Variants in VTI1A observed in about 807,000 individuals in gnomAD.
VTI1A encodes the protein vesicle transport through interaction with t-SNAREs 1A.
A neutral mutation model predicts 34.9 loss-of-function variants in VTI1A; 22 were observed. That is an observed-to-expected ratio of 0.63 (90% CI 0.45 to 0.90). The LOEUF is 0.90. Among genes scored for constraint, VTI1A ranks in the 40% least tolerant of loss-of-function variants. The pLI is 0.00. For synonymous variants in VTI1A, 87 were observed against 97.3 expected, an observed-to-expected ratio of 0.89 and a Z score of 0.62; for missense variants, 268 against 275.6, an observed-to-expected ratio of 0.97 and a Z score of 0.20.
the VTI1A span, among the ~76,000 whole-genome samples, chr10:112,833,596 A>G: frequency 5.9e-5 from 9 of 151,630 alleles, no homozygotes; most frequent in East Asian, 1.4e-3. Flanking sequence ...GTGAATCTTA[A>G]CTCCTCCATG....
At chr10:112,811,684 A>AT (rs1853314464) in intron 7 of VTI1A, among the ~76,000 whole-genome samples, 2 of 37,504 alleles carry the variant, frequency 5.3e-5, no homozygotes, top group African/African-American at 3.5e-4. Context: ...ACTCCGTCTC[A>AT]AAAAAAAAAA....
chr10:112,534,340 G>C (rs1850548179), intron 4 of VTI1A, among the ~76,000 whole-genome samples: 1 of 152,074 alleles, frequency 6.6e-6, no homozygotes, highest in Non-Finnish European at 1.5e-5. Context: ...TTTAGAGATA[G>C]TCATATTTTT....
intron 7 of VTI1A, among the ~76,000 whole-genome samples, chr10:112,726,257 A>T (rs1365644661): frequency 6.6e-6 from 1 of 152,116 alleles, no homozygotes; most frequent in Non-Finnish European, 1.5e-5. Context: ...TCTCCTTCTA[A>T]ATCAGATACC....
intron 7 of VTI1A, among the ~76,000 whole-genome samples, chr10:112,728,306 G>A (rs34050148): frequency 0.16 from 23,864 of 152,210 alleles, 2,205 homozygotes; most frequent in Middle Eastern, 0.23. Flanking sequence ...CTGGGTATGT[G>A]TTGCAAGAGT....
rs1222970688 is a variant in VTI1A, at chr10:112,607,710, TCATGAGGTTATAATTAACTGTAGG to T, written c.428-60506_428-60483del. Among the ~76,000 whole-genome samples the T allele has an allele frequency of 2.0e-4, 31 of 152,330 alleles. 1 individual carries two copies. The highest frequency in any genetic ancestry group is 1.8e-3 in the Admixed American group (28 of 15,306). ...ATGGTTCTGACTCGGTCTCTCGGACTCATGAGGTTATAATTAACTGTAGGCTGGGGCTGTAGTCATCAGCACACT... is the reference window on the plus strand; with the variant it reads ...ATGGTTCTGACTCGGTCTCTCGGACTCTGGGGCTGTAGTCATCAGCACACT... On this transcript the variant is annotated intron_variant, in intron 5 of 7. Transcript: ENST00000393077.
At chr10:112,805,038 T>TA (rs1301166181) in intron 7 of VTI1A, among the ~76,000 whole-genome samples, 1 of 151,378 alleles carries the variant, frequency 6.6e-6, no homozygotes. Flanking sequence ...TTTTTTTTTT[T>TA]ACTTTTTGTA....
intron 5 of VTI1A, among the ~76,000 whole-genome samples, chr10:112,566,539 C>T (rs547978782): frequency 5.5e-4 from 84 of 152,088 alleles, no homozygotes; most frequent in African/African-American, 1.3e-3. Context: ...TATTTCTTTG[C>T]GAAAATACTC....
intron 7 of VTI1A, among the ~76,000 whole-genome samples, chr10:112,750,065 G>T (rs1851047341): frequency 6.6e-6 from 1 of 152,218 alleles, no homozygotes; most frequent in African/African-American, 2.4e-5. Flanking sequence ...TGGAGGTAGA[G>T]ATGAATGAGG....
intron 3 of VTI1A, among the ~76,000 whole-genome samples, chr10:112,488,982 A>C (rs1046968071): frequency 6.6e-6 from 1 of 152,180 alleles, no homozygotes; most frequent in Non-Finnish European, 1.5e-5. Flanking sequence ...CTTAGCTCGC[A>C]GTTTCCTCAT....
intron 7 of VTI1A, among the ~76,000 whole-genome samples, chr10:112,719,260 TCTC>T (rs1179670758): frequency 6.6e-6 from 1 of 152,192 alleles, no homozygotes; most frequent in East Asian, 1.9e-4. Flanking sequence ...TTAAATTTCA[TCTC>T]CTCCTTGAAA....
chr10:112,716,735 T>A (rs1590108188), intron 7 of VTI1A, among the ~76,000 whole-genome samples: 1 of 152,192 alleles, frequency 6.6e-6, no homozygotes, highest in East Asian at 1.9e-4. Context: ...GGATTTCTGA[T>A]TTTTGGATTA....
chr10:112,609,856 C>A (rs537560635), intron 5 of VTI1A, among the ~76,000 whole-genome samples: 24 of 152,216 alleles, frequency 1.6e-4, no homozygotes, highest in African/African-American at 5.5e-4. Context: ...CTGCTGAAGT[C>A]TCCATGGCCC....
chr10:112,815,079 T>C (rs1188052007), intron 7 of VTI1A, among the ~76,000 whole-genome samples: 1 of 151,698 alleles, frequency 6.6e-6, no homozygotes, highest in South Asian at 2.1e-4. Flanking sequence ...TGTGGAGCCT[T>C]TCGTTTCCTC....
At chr10:112,616,907 A>T (rs1845533238) in intron 5 of VTI1A, among the ~76,000 whole-genome samples, 1 of 152,224 alleles carries the variant, frequency 6.6e-6, no homozygotes, top group South Asian at 2.1e-4. Flanking sequence ...AGGTGTTGAG[A>T]CATGTAGGAT....
chr10:112,549,306 C>T (rs532253871), intron 5 of VTI1A, among the ~76,000 whole-genome samples: 3 of 152,316 alleles, frequency 2.0e-5, no homozygotes, highest in Non-Finnish European at 4.4e-5. Flanking sequence ...TTGAGCCCTA[C>T]TGAGTGTCAG....
At chr10:112,843,051 C>G in the VTI1A span, among the ~76,000 whole-genome samples, 1 of 152,228 alleles carries the variant, frequency 6.6e-6, no homozygotes, top group African/African-American at 2.4e-5. Flanking sequence ...CCAACCTCAA[C>G]AGCTGGAAGC....
chr10:112,833,174 C>A, the VTI1A span, among the ~76,000 whole-genome samples: 1 of 152,192 alleles, frequency 6.6e-6, no homozygotes, highest in African/African-American at 2.4e-5. Context: ...CTAATCGATC[C>A]TGGCTCTTTT....
intron 3 of VTI1A, among the ~76,000 whole-genome samples, chr10:112,471,971 T>A (rs1205362827): frequency 6.6e-6 from 1 of 152,124 alleles, no homozygotes; most frequent in African/African-American, 2.4e-5. Context: ...AACAAGTAAG[T>A]GGTGTGCTGG....
chr10:112,531,817 C>G (rs1850455339), intron 4 of VTI1A, among the ~76,000 whole-genome samples: 1 of 152,118 alleles, frequency 6.6e-6, no homozygotes, highest in African/African-American at 2.4e-5. Context: ...TAATGTTTGC[C>G]TTTTTCTCCC....
Sources: allele counts gnomAD v4.1 joint callset (sites outside exome capture counted in the v4.1 genomes callset), GRCh38; gene constraint gnomAD v4.1.1; transcripts MANE v1.5; gene names NCBI Gene and HGNC (gene_info 2026-07-23, HGNC 2026-07-21).